Variants in HCN1 observed in about 807,000 individuals in gnomAD.
HCN1 encodes hyperpolarization activated cyclic nucleotide gated potassium channel 1.
HCN1 carries 13 observed loss-of-function variants against 78.9 expected under a neutral mutation model. The observed-to-expected ratio is 0.16, with a 90% CI of 0.11 to 0.26. HCN1 has a LOEUF of 0.26. Ranked by LOEUF, HCN1 falls within the 10% of genes least tolerant of loss-of-function variation. The pLI is 1.00. For synonymous variants in HCN1, 552 were observed against 455.5 expected (o/e 1.21, Z -2.70); for missense variants, 810 against 1,154.3 (o/e 0.70, Z 4.32).
At chr5:45,338,245 C>A (rs1579821410) in intron 5 of HCN1, among the ~76,000 whole-genome samples, 1 of 152,106 alleles carries the variant, frequency 6.6e-6, no homozygotes, top group East Asian at 1.9e-4. Flanking sequence ...GTTTGTGAGA[C>A]AATGAAGGTA....
At chr5:45,334,736 T>C (rs1746419568) in intron 5 of HCN1, among the ~76,000 whole-genome samples, 1 of 151,998 alleles carries the variant, frequency 6.6e-6, no homozygotes, top group Admixed American at 6.6e-5. Context: ...ACACACAATA[T>C]GCTCGGCACT....
chr5:45,343,638 G>A (rs1197636276), intron 5 of HCN1, among the ~76,000 whole-genome samples: 1 of 152,084 alleles, frequency 6.6e-6, no homozygotes, highest in African/African-American at 2.4e-5. Context: ...GTTTAATGAT[G>A]GAAGAAAAAT....
At chr5:45,635,065 T>C (rs1745333630) in intron 2 of HCN1, among the ~76,000 whole-genome samples, 1 of 152,064 alleles carries the variant, frequency 6.6e-6, no homozygotes, top group Non-Finnish European at 1.5e-5. Flanking sequence ...TATTTTAATC[T>C]CAGCTACGAT....
chr5:45,387,805 C>T (rs936325960), intron 4 of HCN1, among the ~76,000 whole-genome samples: 12 of 152,084 alleles, frequency 7.9e-5, no homozygotes, highest in Admixed American at 2.6e-4. Flanking sequence ...AAACCCTATA[C>T]ATATACTATG....
At chr5:45,589,935 T>A (rs1744325601) in intron 2 of HCN1, among the ~76,000 whole-genome samples, 2 of 152,192 alleles carry the variant, frequency 1.3e-5, no homozygotes, top group Admixed American at 1.3e-4. Context: ...TGCAGCTTCC[T>A]TATCCTTGAC....
In HCN1 at chr5:45,573,377, C is replaced by T. The variant is rs1048384044; in HGVS notation, c.849+71808G>A. 2.6e-5 allele frequency among the ~76,000 whole-genome samples: 4 copies of T among 151,984 alleles called. No individual in the cohort carries two copies. In the South Asian group the frequency reaches 8.3e-4, roughly 32 times the overall value. The stretch of plus-strand genomic sequence containing the variant: ...ATTAGGGAAACTGCATTTTCTGCTA[C>T]CAAAATCCCATTGCTAATAGTGTCT... On this transcript the variant is annotated intron_variant, in intron 2 of 7. Coordinates refer to ENST00000303230, the MANE Select transcript of HCN1 (RefSeq NM_021072.4).
intron 2 of HCN1, among the ~76,000 whole-genome samples, chr5:45,573,882 T>C (rs945965999): frequency 3.3e-5 from 5 of 152,042 alleles, no homozygotes; most frequent in Admixed American, 6.6e-5. Context: ...ATAAGCTTTC[T>C]GAACAAAAAA....
At chr5:45,365,852 C>G (rs1180171611) in intron 4 of HCN1, among the ~76,000 whole-genome samples, 1 of 151,586 alleles carries the variant, frequency 6.6e-6, no homozygotes, top group Non-Finnish European at 1.5e-5. Context: ...CATAAAATAC[C>G]TACTTTTCTT....
In HCN1 at chr5:45,458,511, A is replaced by G. The variant is rs181571567; in HGVS notation, c.1011+3335T>C. Among the ~76,000 whole-genome samples the G allele has an allele frequency of 2.4e-4, 36 of 152,230 alleles. No homozygotes were observed. In the East Asian group the frequency reaches 6.4e-3, roughly 27 times the overall value. On this transcript the variant is annotated intron_variant, in intron 3 of 7. Coordinates refer to ENST00000303230, the MANE Select transcript of HCN1 (RefSeq NM_021072.4). ...GTTTTCTACATCTCACAAAAGATCA[A>G]TCTTGCCACTTTTTAGTGTCAGAGC...
chr5:45,524,331 C>T (rs1388561708), intron 2 of HCN1, among the ~76,000 whole-genome samples: 3 of 152,112 alleles, frequency 2.0e-5, no homozygotes, highest in African/African-American at 7.2e-5. Context: ...TTAGGATTGA[C>T]TTGGCGATGA....
At chr5:45,635,577 A>T (rs913780045) in intron 2 of HCN1, among the ~76,000 whole-genome samples, 1 of 152,148 alleles carries the variant, frequency 6.6e-6, no homozygotes. Context: ...TAATAAGAAA[A>T]AGAATTTAGC....
intron 5 of HCN1, among the ~76,000 whole-genome samples, chr5:45,314,060 T>G (rs1745919544): frequency 6.6e-6 from 1 of 151,916 alleles, no homozygotes; most frequent in Non-Finnish European, 1.5e-5. Flanking sequence ...CAAATAATTG[T>G]CAGATTCACC....
intron 5 of HCN1, among the ~76,000 whole-genome samples, chr5:45,320,303 C>T (rs1746097997): frequency 6.6e-6 from 1 of 151,766 alleles, no homozygotes; most frequent in Non-Finnish European, 1.5e-5. Flanking sequence ...CCAAATATCC[C>T]ATTTTTTCTT....
intron 1 of HCN1, among the ~76,000 whole-genome samples, chr5:45,668,451 G>A (rs962366428): frequency 1.3e-4 from 19 of 151,882 alleles, no homozygotes; most frequent in Admixed American, 5.3e-4. Context: ...CGCCATGATT[G>A]TAAGTTTCCT....
At chr5:45,680,949 ATTC>A (rs1487054450) in intron 1 of HCN1, among the ~76,000 whole-genome samples, 2 of 151,964 alleles carry the variant, frequency 1.3e-5, no homozygotes, top group Admixed American at 6.6e-5. Flanking sequence ...TGGGATCCTG[ATTC>A]TTTTTGCTAT....
intron 5 of HCN1, among the ~76,000 whole-genome samples, chr5:45,352,134 CA>C (rs1295952987): frequency 6.6e-6 from 1 of 152,108 alleles, no homozygotes; most frequent in Non-Finnish European, 1.5e-5. Context: ...CCCAAATGTC[CA>C]ACAAGGATAG....
intron 1 of HCN1, among the ~76,000 whole-genome samples, chr5:45,693,241 G>C (rs533435559): frequency 6.6e-6 from 1 of 151,916 alleles, no homozygotes; most frequent in African/African-American, 2.4e-5. Flanking sequence ...TCTTATATTG[G>C]TTTTGAGATC....
In HCN1 at chr5:45,661,289, G is replaced by A. The variant is rs1297858262; in HGVS notation, c.426-15681C>T. On this transcript the variant is annotated intron_variant, in intron 1 of 7. Coordinates refer to ENST00000303230, the MANE Select transcript of HCN1 (RefSeq NM_021072.4). ...AAGACACCACATACCAGAATCTCTG[G>A]GACGCATTCAAAGCAGTGTGTAGAG... Among the ~76,000 whole-genome samples, 4 of 120,550 alleles carry A rather than the reference G, an allele frequency of 3.3e-5. No individual in the cohort carries two copies. In the South Asian group the frequency reaches 1.4e-3, roughly 43 times the overall value. 79.1% of individuals were successfully genotyped at this position (120,550 alleles called of 152,430 possible). A position where few individuals can be genotyped will look rare whatever the true frequency, so the allele number is the denominator to read the frequency against.
At chr5:45,461,509 G>T (rs561572765) in intron 3 of HCN1, among the ~76,000 whole-genome samples, 1 of 152,042 alleles carries the variant, frequency 6.6e-6, no homozygotes, top group Non-Finnish European at 1.5e-5. Context: ...ATGAAATAAG[G>T]CGTTATTCTA....
Sources: gnomAD v4.1 joint callset for allele counts (sites outside exome capture counted in the v4.1 genomes callset) on GRCh38, gnomAD v4.1.1 for gene constraint, MANE v1.5 for transcripts, NCBI Gene and HGNC (gene_info 2026-07-23, HGNC 2026-07-21) for gene names.